The following LHB variants were observed in gnomAD, a reference collection of about 807,000 sequenced individuals.
The protein encoded by LHB is luteinizing hormone subunit beta.
In LHB, 11 loss-of-function variants were observed where a neutral mutation model predicts 10.6. The ratio of observed to expected loss-of-function variants is 1.04; its 90% CI spans 0.66 to 1.72. The LOEUF is 1.72. Among genes scored for constraint, LHB ranks in the 40% most tolerant of loss-of-function variants. The pLI is 0.00. For missense variants in LHB, 184 were observed against 197.3 expected, an observed-to-expected ratio of 0.93 and a Z score of 0.41; for synonymous variants, 86 against 83.1, an observed-to-expected ratio of 1.03 and a Z score of -0.19.
Position 49,016,151 on chromosome 19 carries a change from G to T in LHB, c.343C>A (p.Arg115Ser). 6.2e-7 allele frequency: 1 copy of T among 1,612,764 alleles called. No homozygotes were observed. The highest frequency in any genetic ancestry group is 8.5e-7 in the Non-Finnish European group (1 of 1,180,022). The change falls in exon 3 of 3, where the codon CGC becomes AGC. Residue 115 changes from arginine (R) to serine (S), a missense_variant. Arg to Ser is a moderately radical substitution (Grantham distance 110, BLOSUM62 -1). Transcript: ENST00000649238. ...GGACCCCCACAGTCAGAGGTGCTGC[G>T]GCGGCAGGGTCCACAGCGACAGCTG... is the stretch of plus-strand genomic sequence containing the variant. ...ALSCRCGPCR[R>S]STSDCGGPKD... is the part of the protein sequence containing the mutation.
rs2039544251 is a variant in LHB at position 49,016,020 on chromosome 19, C to T, written c.*48G>A. On this transcript the variant is annotated 3_prime_UTR_variant, in exon 3 of 3. Coordinates refer to ENST00000649238, the MANE Select transcript of LHB (RefSeq NM_000894.3). ...CTTTATTGTGGGAGGATCGGGGTGT[C>T]AGGGCTCCAGGAGTCGGGATGGACT... 1 of 1,614,024 alleles carries T rather than the reference C, an allele frequency of 6.2e-7. No individual in the cohort carries two copies. The highest frequency in any genetic ancestry group is 8.5e-7 in the Non-Finnish European group (1 of 1,180,040).
upstream of LHB, chr19:49,019,110 C>T (rs1366300710): frequency 7.3e-5 from 104 of 1,434,440 alleles, no homozygotes; most frequent in Non-Finnish European, 8.3e-5. Flanking sequence ...ACAGCCATGA[C>T]GGCCACGGCC....
At chr19:49,018,885 C>A, upstream of LHB, 6 of 1,534,292 alleles carry the variant, frequency 3.9e-6, no homozygotes, top group South Asian at 2.4e-5. Flanking sequence ...GGGATAGAAC[C>A]GAAAGTCCCG....
In LHB at chr19:49,016,212, A is replaced by G. The variant is rs1242254644; in HGVS notation, c.282T>C (p.Arg94=). ...GGAAGGAGACCACGGGGTCCACACC[A>G]CGCGGGCAGCCAGGGAGCCGGATGG... ...FESIRLPGCP[R]GVDPVVSFPV... Residue 94 remains arginine (R), a synonymous_variant, in exon 3 of 3, where the codon CGT becomes CGC. Coordinates refer to ENST00000649238, the MANE Select transcript of LHB (RefSeq NM_000894.3). 2 of 1,612,520 alleles carry G rather than the reference A, an allele frequency of 1.2e-6. No homozygotes were observed. The highest frequency in any genetic ancestry group is 1.7e-6 in the Non-Finnish European group (2 of 1,179,940).
rs2039548812 is a variant in LHB, at chr19:49,016,227, G to C, written c.267C>G (p.Leu89=). 2 of 1,612,390 alleles carry C rather than the reference G, an allele frequency of 1.2e-6. No individual in the cohort carries two copies. The highest frequency in any genetic ancestry group is 8.5e-7 in the Non-Finnish European group (1 of 1,179,922). ...YRDVRFESIR[L]PGCPRGVDPV... is the part of the protein sequence containing the mutation. Reference sequence around the variant, plus strand: ...GGTCCACACCACGCGGGCAGCCAGGGAGCCGGATGGACTCGAAGCGCACAT... The same window carrying C: ...GGTCCACACCACGCGGGCAGCCAGGCAGCCGGATGGACTCGAAGCGCACAT... Residue 89 remains leucine, a synonymous_variant, in exon 3 of 3, where the codon CTC becomes CTG. Coordinates refer to ENST00000649238, the MANE Select transcript of LHB (RefSeq NM_000894.3).
chr19:49,016,120 T>G lies in LHB; in HGVS notation c.374A>C (p.Asp125Ala). 1.2e-6 allele frequency: 2 copies of G among 1,612,600 alleles called. No individual in the cohort carries two copies. The highest frequency in any genetic ancestry group is 1.7e-6 in the Non-Finnish European group (2 of 1,179,956). Residue 125 changes from aspartate to alanine, a missense_variant, in exon 3 of 3, where the codon GAC becomes GCC. Coordinates refer to ENST00000649238, the MANE Select transcript of LHB (RefSeq NM_000894.3). ...RSTSDCGGPK[D>A]HPLTCDHPQL... is the part of the protein sequence containing the mutation. ...GGGGTGGTCACAGGTCAAGGGGTGG[T>G]CTTTGGGACCCCCACAGTCAGAGGT...
Position 49,016,100 on chromosome 19 carries a change from G to T in LHB, c.394C>A (p.His132Asn). Residue 132 changes from histidine to asparagine, a missense_variant, in exon 3 of 3, where the codon CAC becomes AAC. Physicochemically the swap from His to Asn is moderately conservative, Grantham distance 68. Transcript: ENST00000649238. ...AAGAGGAGGCCTGAGAGTTGGGGGT[G>T]GTCACAGGTCAAGGGGTGGTCTTTG... Reference protein sequence around the residue: ...GPKDHPLTCDHPQLSGLLFL With the variant: ...GPKDHPLTCDNPQLSGLLFL 2.5e-6 allele frequency: 4 copies of T among 1,613,096 alleles called. No homozygotes were observed. The highest frequency in any genetic ancestry group is 3.4e-6 in the Non-Finnish European group (4 of 1,180,032).
In LHB at chr19:49,016,427, C is replaced by G. The variant is rs2039554428; in HGVS notation, c.184-117G>C. 6 of 1,599,714 alleles carry G rather than the reference C, an allele frequency of 3.8e-6. No individual in the cohort carries two copies. In the Admixed American group the frequency reaches 1.0e-4, roughly 27 times the overall value. ...GAGCCCAGGAAGCCCTCTGTTCCTGCCTTCCCACACCCCATTCCCCAACCG... is the reference window on the plus strand; with the variant it reads ...GAGCCCAGGAAGCCCTCTGTTCCTGGCTTCCCACACCCCATTCCCCAACCG... On this transcript the variant is annotated intron_variant, in intron 2 of 2. Transcript: ENST00000649238.
upstream of LHB, chr19:49,018,945 G>T: frequency 1.3e-6 from 2 of 1,534,494 alleles, no homozygotes; most frequent in East Asian, 2.4e-5. Flanking sequence ...GCCCCGGTCG[G>T]ATACTGTGAA....
In LHB at chr19:49,016,066, C is replaced by G. The variant is rs201196194; in HGVS notation, c.*2G>C. 4.3e-5 allele frequency: 69 copies of G among 1,613,456 alleles called. No individual in the cohort carries two copies. In the South Asian group the frequency reaches 6.9e-4, roughly 16 times the overall value. On this transcript the variant is annotated 3_prime_UTR_variant, in exon 3 of 3. Transcript: ENST00000649238. ...GGACTTGGAAGGCTGCGGGGAGGGT[C>G]TTTAGAGGAAGAGGAGGCCTGAGAG...
chr19:49,016,374 A>C (rs1482656004), intron 2 of LHB, 64 bp from the exon 3 acceptor site: 15 of 1,603,414 alleles, frequency 9.4e-6, no homozygotes, highest in South Asian at 5.5e-5. Context: ...CTGAGCTCCC[A>C]AGCTGACCCC....
At chr19:49,019,363 A>C, upstream of LHB, 1 of 1,224,762 alleles carries the variant, frequency 8.2e-7, no homozygotes. Flanking sequence ...ACTCCAAGTT[A>C]CCTCTCCCAA....
chr19:49,018,200 A>C (rs1276075041), upstream of LHB: 1 of 483,248 alleles, frequency 2.1e-6, no homozygotes, highest in East Asian at 3.5e-5. Context: ...GACGCGCGGC[A>C]CGCGGACCCG....
chr19:49,017,964 C>G (rs987760703), upstream of LHB: 6 of 398,448 alleles, frequency 1.5e-5, no homozygotes, highest in Non-Finnish European at 2.7e-5. Flanking sequence ...CTGGCCCTGA[C>G]GGCTCACACC....
At chr19:49,017,903 G>T, upstream of LHB, 1 of 398,308 alleles carries the variant, frequency 2.5e-6, no homozygotes, top group Non-Finnish European at 4.4e-6. Flanking sequence ...GTGAGCGGAG[G>T]TCCCGAGCTC....
chr19:49,017,113 C>A (rs1568647155), upstream of LHB: 2 of 1,613,932 alleles, frequency 1.2e-6, no homozygotes, highest in African/African-American at 1.3e-5. Flanking sequence ...GTGTATCTGG[C>A]TATATACCTC....
chr19:49,017,108 T>C (rs368241580), upstream of LHB: 75 of 1,613,960 alleles, frequency 4.6e-5, no homozygotes, highest in South Asian at 2.7e-4. Context: ...GCCTCGTGTA[T>C]CTGGCTATAT....
Position 49,016,143 on chromosome 19 carries a change from G to A in LHB, c.351C>T (p.Thr117=). The change falls in exon 3 of 3, where the codon ACC becomes ACT. Residue 117 remains threonine, a synonymous_variant. Transcript: ENST00000649238. ...SCRCGPCRRS[T]SDCGGPKDHP... ...GGTCTTTGGGACCCCCACAGTCAGA[G>A]GTGCTGCGGCGGCAGGGTCCACAGC... The A allele has an allele frequency of 1.9e-6, 3 of 1,612,862 alleles. No individual in the cohort carries two copies. The highest frequency in any genetic ancestry group is 2.5e-6 in the Non-Finnish European group (3 of 1,180,018).
upstream of LHB, chr19:49,018,905 G>T: frequency 6.5e-7 from 1 of 1,534,442 alleles, no homozygotes; most frequent in South Asian, 1.2e-5. Context: ...GCGCCGAGGT[G>T]GTCAGATAGA....
Sources: allele counts gnomAD v4.1 joint callset, GRCh38; gene constraint gnomAD v4.1.1; transcripts MANE v1.5; gene names NCBI Gene and HGNC (gene_info 2026-07-23, HGNC 2026-07-21).